ALDH1A3: variants seen among roughly 807,000 people sequenced by gnomAD.
ALDH1A3 encodes the protein aldehyde dehydrogenase 1 family member A3.
A neutral mutation model predicts 57.5 loss-of-function variants in ALDH1A3; 28 were observed. The observed-to-expected ratio is 0.49, with a 90% CI of 0.36 to 0.67. The LOEUF (loss-of-function observed/expected upper bound fraction) is 0.67, where lower values mean the gene tolerates loss of function less well. ALDH1A3 is among the 30% of genes least tolerant of loss of function. ALDH1A3 has a pLI of 0.00. For missense variants in ALDH1A3, 507 were observed against 669.4 expected (o/e 0.76, Z 2.68); for synonymous variants, 281 against 264.8 (o/e 1.06, Z -0.59).
chr15:100,888,041 C>T (rs1481778146), intron 3 of ALDH1A3, among the ~76,000 whole-genome samples: 1 of 152,140 alleles, frequency 6.6e-6, no homozygotes, highest in Non-Finnish European at 1.5e-5. Flanking sequence ...CTGGTACCAC[C>T]TGTGTGTTTA....
Position 100,893,592 on chromosome 15 carries a change from G to C in ALDH1A3, c.538-362G>C. The C allele has an allele frequency of 4.9e-6, 1 of 204,852 alleles. No homozygotes were observed. Among genetic ancestry groups the C allele is most frequent in the Admixed American group, 5.3e-5 (1 of 18,920 alleles). The allele number at this position is 204,852 out of a possible 1,614,324, so 12.7% of individuals were successfully genotyped here. ...TGCCTGTCTGTTTGGGAAGCCTCTGGCCATTGCAACAACAGCCAGGCAGGA... is the reference window on the plus strand; with the variant it reads ...TGCCTGTCTGTTTGGGAAGCCTCTGCCCATTGCAACAACAGCCAGGCAGGA... On this transcript the variant is annotated intron_variant, in intron 5 of 12. Transcript: ENST00000329841. This position sits in a 1 kb window ranked among gnomAD's most constrained non-coding sequence, Gnocchi z 4.8.
At chr15:100,895,867 C>A in intron 6 of ALDH1A3, 66 bp from the exon 7 acceptor site, 2 of 1,397,976 alleles carry the variant, frequency 1.4e-6, no homozygotes, top group Non-Finnish European at 2.0e-6. Flanking sequence ...GCTCTCTCGG[C>A]CCAAATGTGG....
intron 12 of ALDH1A3, among the ~76,000 whole-genome samples, chr15:100,908,717 GC>G (rs2041851439): frequency 1.3e-5 from 2 of 152,114 alleles, no homozygotes; most frequent in African/African-American, 4.8e-5. Context: ...TTTTGTGTCT[GC>G]CCAGCAGCCA....
At position 100,905,620 on chromosome 15, in the gene ALDH1A3, AGGGG is replaced by A; in HGVS notation, c.1167_1170del (p.Lys389AsnfsTer31). 1 of 1,613,040 alleles carries A rather than the reference AGGGG, an allele frequency of 6.2e-7. No homozygotes were observed. Among genetic ancestry groups the A allele is most frequent in the African/African-American group, 1.3e-5 (1 of 74,950 alleles). On this transcript the variant is annotated frameshift_variant, in exon 10 of 13. Coordinates refer to ENST00000329841, the MANE Select transcript of ALDH1A3 (RefSeq NM_000693.4). LOFTEE classifies it high-confidence loss of function. ...TGCGGGGGCTCAGCCATGGAAGACA[AGGGG>A]CTCTTCATCAAACCCACTGTCTTCT... is the stretch of plus-strand genomic sequence containing the variant.
At position 100,916,566 on chromosome 15, in the gene ALDH1A3, C is replaced by T. The variant is rs2041931561; in HGVS notation, c.*1793C>T. The T allele has an allele frequency of 6.6e-6, 1 of 152,220 alleles. No individual in the cohort carries two copies. Among genetic ancestry groups the T allele is most frequent in the African/African-American group, 2.4e-5 (1 of 41,454 alleles). The allele number at this position is 152,220 out of a possible 1,614,324, so 9.4% of individuals were successfully genotyped here. A position where few individuals can be genotyped will look rare whatever the true frequency, so the allele number is the denominator to read the frequency against. On this transcript the variant is annotated 3_prime_UTR_variant, in exon 13 of 13. Coordinates refer to ENST00000329841, the MANE Select transcript of ALDH1A3 (RefSeq NM_000693.4). Reference sequence around the variant, plus strand: ...ATCTATAGGCCTGGGAATTCCGATCCTAGCTGCAGATCGCATCCCACAATG... The same window carrying T: ...ATCTATAGGCCTGGGAATTCCGATCTTAGCTGCAGATCGCATCCCACAATG...
chr15:100,887,864 T>A lies in ALDH1A3; in HGVS notation c.345+152T>A. The A allele has an allele frequency of 1.0e-6, 1 of 987,368 alleles. No individual in the cohort carries two copies. The allele number at this position is 987,368 out of a possible 1,614,324, so 61.2% of individuals were successfully genotyped here. On this transcript the variant is annotated intron_variant, in intron 3 of 12. Transcript: ENST00000329841. The surrounding 1 kb of genome is among the most constrained non-coding windows in gnomAD (Gnocchi z 4.6). ...TGAGACACGGCTCTCTGGCAATACT[T>A]GCAGGTGTTAATGCCTCTAGACTGA...
At chr15:100,909,140 CAT>C (rs1443192149) in intron 12 of ALDH1A3, among the ~76,000 whole-genome samples, 2 of 117,052 alleles carry the variant, frequency 1.7e-5, no homozygotes, top group Non-Finnish European at 3.6e-5. Flanking sequence ...AACCCCTCCA[CAT>C]GTGTGTGCAA....
intron 12 of ALDH1A3, chr15:100,913,885 T>C (rs1042133103): frequency 6.6e-6 from 1 of 152,208 alleles, no homozygotes; most frequent in African/African-American, 2.4e-5. Context: ...TCTACCTTCA[T>C]CTCTTCCTAA....
rs75577543 is a variant in ALDH1A3 at position 100,882,450 on chromosome 15, G to A, written c.99+2444G>A. On this transcript the variant is annotated intron_variant, in intron 1 of 12. Transcript: ENST00000329841. Reference sequence around the variant, plus strand: ...AAAGTTTTCTGATTTTTAAAACACCGGTTTTTATTATCTCTCTTATGAAAA... The same window carrying A: ...AAAGTTTTCTGATTTTTAAAACACCAGTTTTTATTATCTCTCTTATGAAAA... 3.7e-3 allele frequency among the ~76,000 whole-genome samples: 556 copies of A among 152,140 alleles called. 18 individuals are homozygous for A. In the East Asian group the frequency reaches 0.08, roughly 22 times the overall value.
At chr15:100,884,186 CG>C (rs1156598487) in intron 1 of ALDH1A3, among the ~76,000 whole-genome samples, 1 of 152,104 alleles carries the variant, frequency 6.6e-6, no homozygotes, top group Non-Finnish European at 1.5e-5. Context: ...GCTGGGCAGC[CG>C]GGGACCTCCG....
In ALDH1A3 at chr15:100,904,739, G is replaced by A. The variant is rs78667708; in HGVS notation, c.1069-784G>A. ...TCAGTAGCGTGTTCACAAGCTGTGG[G>A]TCAGGCTGGTGGCACAGGGCAAACT... On this transcript the variant is annotated intron_variant, in intron 9 of 12. Transcript: ENST00000329841. Among the ~76,000 whole-genome samples, 723 of 152,312 alleles carry A rather than the reference G, an allele frequency of 4.7e-3. 14 individuals are homozygous for A. The highest frequency in any genetic ancestry group is 0.028 in the East Asian group (146 of 5,186).
In ALDH1A3 at chr15:100,915,832, C is replaced by T. The variant is rs1180058430; in HGVS notation, c.*1059C>T. On this transcript the variant is annotated 3_prime_UTR_variant, in exon 13 of 13. Transcript: ENST00000329841. ...TTTCTGATTAGTTAGTAAATAACAC[C>T]TGGATTCTATGGAGGACCTCGGTCT... The T allele has an allele frequency of 6.6e-6, 1 of 152,130 alleles. No individual in the cohort carries two copies. The highest frequency in any genetic ancestry group is 6.5e-5 in the Admixed American group (1 of 15,280). The allele number at this position is 152,130 out of a possible 1,614,324, so 9.4% of individuals were successfully genotyped here.
In ALDH1A3 at chr15:100,906,617, C is replaced by G. The variant is rs1225728572; in HGVS notation, c.1234-504C>G. Among the ~76,000 whole-genome samples the G allele has an allele frequency of 6.6e-6, 1 of 152,220 alleles. No individual in the cohort carries two copies. Among genetic ancestry groups the G allele is most frequent in the Non-Finnish European group, 1.5e-5 (1 of 68,036 alleles). On this transcript the variant is annotated intron_variant, in intron 10 of 12. Transcript: ENST00000329841. This position sits in a 1 kb window ranked among gnomAD's most constrained non-coding sequence, Gnocchi z 4.8. ...AGCCTTAGTTCTTCCATTTCCTTTTCTTTGCTGTGTCACAAACTGTGGTGA... is the reference window on the plus strand; with the variant it reads ...AGCCTTAGTTCTTCCATTTCCTTTTGTTTGCTGTGTCACAAACTGTGGTGA...
At chr15:100,909,428 G>A (rs987356764) in intron 12 of ALDH1A3, among the ~76,000 whole-genome samples, 1 of 141,504 alleles carries the variant, frequency 7.1e-6, no homozygotes, top group Non-Finnish European at 1.5e-5. Context: ...TCCACTGTGT[G>A]TGCAAACCCA....
chr15:100,883,688 G>A (rs1457226509), intron 1 of ALDH1A3, among the ~76,000 whole-genome samples: 9 of 151,606 alleles, frequency 5.9e-5, no homozygotes, highest in African/African-American at 2.2e-4. Flanking sequence ...TTTAAGTTCT[G>A]GGGTACATGT....
rs4646672 is a variant in ALDH1A3 at position 100,900,009 on chromosome 15, G to C, written c.884-566G>C. Among the ~76,000 whole-genome samples the C allele has an allele frequency of 3.7e-3, 559 of 152,214 alleles. 4 individuals are homozygous for C. The highest frequency in any genetic ancestry group is 0.012 in the African/African-American group (509 of 41,510). Reference sequence around the variant, plus strand: ...CCAATACCATTCTTATCCACTAAGCGTGTCCCCCAAGATCTTATTCTCTAA... The same window carrying C: ...CCAATACCATTCTTATCCACTAAGCCTGTCCCCCAAGATCTTATTCTCTAA... On this transcript the variant is annotated intron_variant, in intron 8 of 12. Transcript: ENST00000329841.
At position 100,900,603 on chromosome 15, in the gene ALDH1A3, G is replaced by A; in HGVS notation, c.912G>A (p.Gln304=). ...ACTTGGCAGTGGAGTGTGCCCATCA[G>A]GGAGTGTTCTTCAACCAAGGCCAGT... ...DLDLAVECAH[Q]GVFFNQGQCC... Residue 304 remains glutamine (Q), a synonymous_variant, in exon 9 of 13, where the codon CAG becomes CAA. Transcript: ENST00000329841. The A allele has an allele frequency of 6.2e-7, 1 of 1,601,616 alleles. No homozygotes were observed. The highest frequency in any genetic ancestry group is 8.5e-7 in the Non-Finnish European group (1 of 1,173,552).
chr15:100,907,102 T>C lies in ALDH1A3; in HGVS notation c.1234-19T>C. 6.2e-7 allele frequency: 1 copy of C among 1,610,216 alleles called. No individual in the cohort carries two copies. The highest frequency in any genetic ancestry group is 8.5e-7 in the Non-Finnish European group (1 of 1,177,402). On this transcript the variant is annotated intron_variant, in intron 10 of 12. Coordinates refer to ENST00000329841, the MANE Select transcript of ALDH1A3 (RefSeq NM_000693.4). ...CATTCAGTCATGCCTCTCATTGCCA[T>C]TCTTGCAATTAATCATAGATTTTCG...
intron 1 of ALDH1A3, among the ~76,000 whole-genome samples, chr15:100,882,091 G>A (rs1396470516): frequency 6.6e-6 from 1 of 152,260 alleles, no homozygotes; most frequent in Non-Finnish European, 1.5e-5. Context: ...AGCAGACGGT[G>A]GAGCATGGGA....
Sources: gnomAD v4.1 joint callset for allele counts (sites outside exome capture counted in the v4.1 genomes callset) on GRCh38, gnomAD v4.1.1 for gene constraint, Gnocchi (gnomAD v3.1) non-coding constraint, MANE v1.5 for transcripts, NCBI Gene and HGNC (gene_info 2026-07-23, HGNC 2026-07-21) for gene names.